ZNF277: variants seen among roughly 807,000 people sequenced by gnomAD.
ZNF277 encodes the protein zinc finger protein 277.
Under a neutral mutation model 60.7 loss-of-function variants are expected in ZNF277, and 55 were observed. The ratio of observed to expected loss-of-function variants is 0.91; its 90% CI spans 0.73 to 1.13. The LOEUF (loss-of-function observed/expected upper bound fraction) is 1.13, where lower values mean the gene tolerates loss of function less well. ZNF277 is among the 50% of genes most tolerant of loss of function. ZNF277 has a pLI of 0.00. For synonymous variants in ZNF277, 178 were observed against 179.3 expected (o/e 0.99, Z 0.06); for missense variants, 510 against 523.0 (o/e 0.98, Z 0.24).
chr7:112,223,306 G>A (rs1822083449), intron 1 of ZNF277, among the ~76,000 whole-genome samples: 1 of 151,792 alleles, frequency 6.6e-6, no homozygotes, highest in Admixed American at 6.5e-5. Context: ...ACTCAGAATG[G>A]TGTGTCTCCC....
At chr7:112,327,002 C>G (rs1356680969) in intron 5 of ZNF277, among the ~76,000 whole-genome samples, 1 of 152,110 alleles carries the variant, frequency 6.6e-6, no homozygotes, top group Non-Finnish European at 1.5e-5. Context: ...GTTATCACAG[C>G]CCTTGCATTT....
intron 1 of ZNF277, among the ~76,000 whole-genome samples, chr7:112,226,397 T>A (rs940246238): frequency 6.6e-6 from 1 of 152,178 alleles, no homozygotes; most frequent in Non-Finnish European, 1.5e-5. Flanking sequence ...TTTGAAGATG[T>A]CCCAGGTATC....
At position 112,231,358 on chromosome 7, in the gene ZNF277, A is replaced by G. The variant is rs558766834; in HGVS notation, c.91+24551A>G. Among the ~76,000 whole-genome samples, 4 of 152,348 alleles carry G rather than the reference A, an allele frequency of 2.6e-5. No homozygotes were observed. In the South Asian group the frequency reaches 8.3e-4, roughly 32 times the overall value. On this transcript the variant is annotated intron_variant, in intron 1 of 11. Coordinates refer to ENST00000361822, the MANE Select transcript of ZNF277 (RefSeq NM_021994.3). ...AGGGGAAATGCTGGTTTGTCACTAT[A>G]ATTTTTCTCTTATTGAAAACTTACA...
chr7:112,252,107 A>G (rs760382489), intron 1 of ZNF277, among the ~76,000 whole-genome samples: 6 of 152,218 alleles, frequency 3.9e-5, no homozygotes, highest in Non-Finnish European at 7.3e-5. Flanking sequence ...GATGCACAAT[A>G]TGTGAACTGG....
intron 1 of ZNF277, among the ~76,000 whole-genome samples, chr7:112,225,978 G>A (rs774923318): frequency 2.6e-5 from 4 of 152,078 alleles, no homozygotes; most frequent in African/African-American, 4.8e-5. Context: ...GCTAATTTTT[G>A]TGACTGTCCA....
At chr7:112,276,572 A>G (rs1030456927) in intron 1 of ZNF277, among the ~76,000 whole-genome samples, 1 of 152,242 alleles carries the variant, frequency 6.6e-6, no homozygotes, top group Non-Finnish European at 1.5e-5. Flanking sequence ...GACAGGATGC[A>G]GTAATCTAGC....
intron 1 of ZNF277, among the ~76,000 whole-genome samples, chr7:112,249,516 A>G (rs900906540): frequency 6.6e-6 from 1 of 152,104 alleles, no homozygotes; most frequent in African/African-American, 2.4e-5. Flanking sequence ...GATAGTAGAA[A>G]GCAGGAGAGA....
chr7:112,342,357 G>C (rs1011104521), intron 11 of ZNF277, among the ~76,000 whole-genome samples: 1 of 152,152 alleles, frequency 6.6e-6, no homozygotes, highest in African/African-American at 2.4e-5. Context: ...ACCAAATCTG[G>C]ATAGTAGATT....
chr7:112,249,133 A>G (rs1791145273), intron 1 of ZNF277, among the ~76,000 whole-genome samples: 1 of 152,182 alleles, frequency 6.6e-6, no homozygotes, highest in Admixed American at 6.5e-5. Flanking sequence ...TAACATTGAC[A>G]GACCAGAGGT....
intron 1 of ZNF277, among the ~76,000 whole-genome samples, chr7:112,218,394 A>C (rs1239562798): frequency 6.6e-6 from 1 of 152,176 alleles, no homozygotes; most frequent in Admixed American, 6.5e-5. Flanking sequence ...GTACAGCATG[A>C]TGTTTTGATA....
At chr7:112,273,891 A>G (rs1297164894) in intron 1 of ZNF277, among the ~76,000 whole-genome samples, 1 of 152,186 alleles carries the variant, frequency 6.6e-6, no homozygotes, top group African/African-American at 2.4e-5. Context: ...ATAAGTTCAT[A>G]AAACTGTGAT....
intron 2 of ZNF277, among the ~76,000 whole-genome samples, chr7:112,289,182 A>C (rs1392410179): frequency 6.6e-6 from 1 of 152,160 alleles, no homozygotes; most frequent in African/African-American, 2.4e-5. Flanking sequence ...CTTTTGAGAA[A>C]ATTTCATTCA....
At chr7:112,251,369 A>C (rs1413167467) in intron 1 of ZNF277, among the ~76,000 whole-genome samples, 1 of 152,200 alleles carries the variant, frequency 6.6e-6, no homozygotes, top group African/African-American at 2.4e-5. Context: ...GATTTTATAT[A>C]ATGGGATTTT....
chr7:112,240,725 T>A (rs1413948516), intron 1 of ZNF277, among the ~76,000 whole-genome samples: 1 of 152,192 alleles, frequency 6.6e-6, no homozygotes, highest in East Asian at 1.9e-4. Flanking sequence ...AACTCATTTT[T>A]GACAAAGATG....
chr7:112,325,360 A>C (rs948613381), intron 5 of ZNF277, among the ~76,000 whole-genome samples: 1 of 152,146 alleles, frequency 6.6e-6, no homozygotes, highest in Non-Finnish European at 1.5e-5. Context: ...CCTAACACTG[A>C]CTTTGCCTTC....
intron 2 of ZNF277, among the ~76,000 whole-genome samples, chr7:112,294,197 A>G (rs917653901): frequency 3.9e-5 from 6 of 152,008 alleles, no homozygotes; most frequent in African/African-American, 7.2e-5. Context: ...CCTCTCTACC[A>G]TGGGGTGGTG....
chr7:112,326,637 T>C (rs1793097966), intron 5 of ZNF277, among the ~76,000 whole-genome samples: 2 of 136,190 alleles, frequency 1.5e-5, no homozygotes, highest in African/African-American at 6.2e-5. Flanking sequence ...ATCTCTTACA[T>C]AGTTAAAAAA....
intron 1 of ZNF277, among the ~76,000 whole-genome samples, chr7:112,250,795 G>C (rs918129994): frequency 6.6e-6 from 1 of 152,120 alleles, no homozygotes; most frequent in African/African-American, 2.4e-5. Context: ...ACCCTCCCAA[G>C]TGGTGGAAGT....
chr7:112,323,142 GGGT>G (rs746774881), intron 5 of ZNF277, among the ~76,000 whole-genome samples: 10 of 152,168 alleles, frequency 6.6e-5, no homozygotes, highest in Non-Finnish European at 1.2e-4. Flanking sequence ...TAGAGTTTCA[GGGT>G]TAATCAGAGG....
Sources: allele counts gnomAD v4.1 joint callset (sites outside exome capture counted in the v4.1 genomes callset), GRCh38; gene constraint gnomAD v4.1.1; transcripts MANE v1.5; gene names NCBI Gene and HGNC (gene_info 2026-07-23, HGNC 2026-07-21).